ATP1A4: variants seen among roughly 807,000 people sequenced by gnomAD.
ATP1A4 encodes ATPase Na+/K+ transporting subunit alpha 4.
A neutral mutation model predicts 114.3 loss-of-function variants in ATP1A4; 90 were observed. That is an observed-to-expected ratio of 0.79 (90% confidence interval 0.66 to 0.94). The LOEUF is 0.94. ATP1A4 is among the 40% of genes least tolerant of loss of function. ATP1A4 has a pLI of 0.00. For missense variants in ATP1A4, 1,222 were observed against 1,313.6 expected (o/e 0.93, Z 1.08); for synonymous variants, 511 against 494.1 (o/e 1.03, Z -0.45).
chr1:160,159,077 A>G lies in ATP1A4; in HGVS notation c.601A>G (p.Ile201Val). Residue 201 changes from isoleucine (I) to valine (V), a missense_variant, in exon 5 of 22, where the codon ATC (isoleucine) becomes GTC (valine). Ile to Val is a conservative substitution (Grantham distance 29, BLOSUM62 3). Transcript: ENST00000368081. ...QEVVLGDLVEIKGGDRVPADL... is the reference protein window; with the variant it reads ...QEVVLGDLVEVKGGDRVPADL... The stretch of plus-strand genomic sequence containing the variant: ...GGTGGTGTTGGGAGACCTGGTGGAA[A>G]TCAAGGGTGGAGACCGAGTCCCTGC... The G allele has an allele frequency of 6.2e-7, 1 of 1,614,170 alleles. No individual in the cohort carries two copies. Among genetic ancestry groups the G allele is most frequent in the Non-Finnish European group, 8.5e-7 (1 of 1,180,010 alleles).
rs761796232 is a variant in ATP1A4, at chr1:160,152,190, G to A, written c.147+3G>A. The A allele has an allele frequency of 1.9e-6, 3 of 1,612,820 alleles. No homozygotes were observed. Among genetic ancestry groups the A allele is most frequent in the Admixed American group, 3.3e-5 (2 of 59,838 alleles). On this transcript the variant is annotated splice_donor_region_variant and intron_variant, in intron 1 of 21. Transcript: ENST00000368081. ...AACTGAAGAAGGAAGTGGTCATGGTGAGGCCACCCAAAGTGGGCGCTGACA... is the reference window on the plus strand; with the variant it reads ...AACTGAAGAAGGAAGTGGTCATGGTAAGGCCACCCAAAGTGGGCGCTGACA...
intron 4 of ATP1A4, 89 bp downstream of exon 4, chr1:160,156,247 A>G (rs1652657605): frequency 2.2e-6 from 2 of 898,164 alleles, no homozygotes; most frequent in Admixed American, 1.9e-5. Flanking sequence ...ATTATATCCT[A>G]TGATAAGTGA....
intron 4 of ATP1A4, among the ~76,000 whole-genome samples, 168 bp from the exon 5 acceptor site, chr1:160,158,834 A>T (rs955712870): frequency 2.6e-5 from 4 of 151,648 alleles, no homozygotes; most frequent in Non-Finnish European, 5.9e-5. Context: ...TGCAAACAGC[A>T]TCATGGGAAT....
intron 1 of ATP1A4, 137 bp downstream of exon 1, chr1:160,152,324 A>T: frequency 2.2e-5 from 20 of 913,074 alleles, no homozygotes; most frequent in South Asian, 4.5e-5. Context: ...AGGGAAGGAG[A>T]GGGTTAAAAA....
At chr1:160,157,996 GATTTCCTTCTCT>G (rs1244965834) in intron 4 of ATP1A4, among the ~76,000 whole-genome samples, 1 of 152,288 alleles carries the variant, frequency 6.6e-6, no homozygotes, top group East Asian at 1.9e-4. Flanking sequence ...TATAGCCCAG[GATTTCCTTCTCT>G]TTTTGGTATC....
intron 17 of ATP1A4, among the ~76,000 whole-genome samples, 162 bp downstream of exon 17, chr1:160,176,764 C>A (rs1226628483): frequency 2.0e-5 from 3 of 152,212 alleles, no homozygotes; most frequent in Admixed American, 6.5e-5. Flanking sequence ...CTGTCCTTGA[C>A]TTAGAGTCCA....
chr1:160,171,196 C>G (rs963400963), intron 10 of ATP1A4, 55 bp from the exon 11 acceptor site: 19 of 1,483,868 alleles, frequency 1.3e-5, no homozygotes, highest in Non-Finnish European at 1.6e-5. Flanking sequence ...TTCTTTTTGC[C>G]CCTGATCCTT....
At chr1:160,167,554 C>A in intron 10 of ATP1A4, 142 bp downstream of exon 10, 1 of 1,163,162 alleles carries the variant, frequency 8.6e-7, no homozygotes, top group Non-Finnish European at 1.2e-6. Context: ...TAACGGAAGA[C>A]TCACATCAAG....
chr1:160,158,148 A>G (rs1380870415), intron 4 of ATP1A4, among the ~76,000 whole-genome samples: 4 of 152,236 alleles, frequency 2.6e-5, no homozygotes, highest in Non-Finnish European at 4.4e-5. Flanking sequence ...GGCTTAAAAT[A>G]GCAAGCTCCT....
intron 15 of ATP1A4, among the ~76,000 whole-genome samples, chr1:160,175,400 A>G (rs1332357301): frequency 6.6e-6 from 1 of 152,038 alleles, no homozygotes; most frequent in Non-Finnish European, 1.5e-5. Flanking sequence ...GGTATTTTAT[A>G]TCCACTCAAT....
Position 160,167,288 on chromosome 1 carries a change from CA to C in ATP1A4, c.1368del (p.Gly457ValfsTer22). On this transcript the variant is annotated frameshift_variant, in exon 10 of 22. Transcript: ENST00000368081. LOFTEE classifies it high-confidence loss of function. ...EILPIAKRAT[T>X]GDASESALLK... ...ACCCCATCCTGGCAGAGGGCCACAA[CA>C]GGTGATGCTTCCGAGTCAGCCCTCC... The C allele has an allele frequency of 6.2e-7, 1 of 1,606,240 alleles. No homozygotes were observed. The highest frequency in any genetic ancestry group is 1.7e-4 in the Middle Eastern group (1 of 5,998).
chr1:160,175,970 G>C, intron 15 of ATP1A4, 122 bp from the exon 16 acceptor site: 1 of 950,276 alleles, frequency 1.1e-6, no homozygotes, highest in Non-Finnish European at 1.7e-6. Context: ...TGGAGGTCTA[G>C]GACCTCCAGA....
At chr1:160,185,893 TG>T (rs1653864125) in intron 20 of ATP1A4, among the ~76,000 whole-genome samples, 1 of 140,842 alleles carries the variant, frequency 7.1e-6, no homozygotes. Flanking sequence ...CACTCCAGCC[TG>T]GGTGACAGAG....
intron 6 of ATP1A4, among the ~76,000 whole-genome samples, chr1:160,161,961 C>G (rs1039477502): frequency 6.6e-6 from 1 of 152,132 alleles, no homozygotes; most frequent in African/African-American, 2.4e-5. Flanking sequence ...TACTGGAAAC[C>G]CTAAGTTCAT....
At chr1:160,155,988 G>A in intron 3 of ATP1A4, 57 bp from the exon 4 acceptor site, 2 of 1,064,072 alleles carry the variant, frequency 1.9e-6, no homozygotes, top group Non-Finnish European at 2.9e-6. Flanking sequence ...CTGATTTTCT[G>A]AGGATGAAGA....
chr1:160,155,405 ATG>A (rs999405087), intron 3 of ATP1A4, among the ~76,000 whole-genome samples, 157 bp downstream of exon 3: 3 of 152,024 alleles, frequency 2.0e-5, no homozygotes, highest in Non-Finnish European at 4.4e-5. Flanking sequence ...TTAATTATAA[ATG>A]TAATTGATTG....
chr1:160,181,744 G>A lies in ATP1A4; in HGVS notation c.2797G>A (p.Val933Met), dbSNP rs769691847. The A allele has an allele frequency of 3.1e-6, 5 of 1,613,840 alleles. No homozygotes were observed. The African/African-American group carries it at 4.0e-5, about 13-fold the overall frequency. The change falls in exon 19 of 22, where the codon GTG becomes ATG. Residue 933 changes from valine to methionine, a missense_variant. Coordinates refer to ENST00000368081, the MANE Select transcript of ATP1A4 (RefSeq NM_144699.4). The part of the protein sequence containing the change: ...TCQTAFFVTI[V>M]VVQWADLIIS... ...CCAAACGGCCTTTTTTGTCACCATC[G>A]TGGTTGTGCAGTGGGCGGATCTCAT...
intron 4 of ATP1A4, 107 bp from the exon 5 acceptor site, chr1:160,158,894 AG>A: frequency 4.1e-6 from 5 of 1,231,510 alleles, no homozygotes; most frequent in Non-Finnish European, 4.5e-6. Context: ...GGTGACAGTA[AG>A]AAAGGGGAGT....
intron 4 of ATP1A4, among the ~76,000 whole-genome samples, chr1:160,157,602 A>G (rs1046614009): frequency 6.6e-6 from 1 of 152,232 alleles, no homozygotes; most frequent in South Asian, 2.1e-4. Flanking sequence ...ATTGATAACT[A>G]CATTGTGGTT....
Sources: gnomAD v4.1 joint callset for allele counts (sites outside exome capture counted in the v4.1 genomes callset) on GRCh38, gnomAD v4.1.1 for gene constraint, MANE v1.5 for transcripts, NCBI Gene and HGNC (gene_info 2026-07-23, HGNC 2026-07-21) for gene names.